Variants in CSMD1 observed in about 807,000 individuals in gnomAD.
The protein encoded by CSMD1 is CUB and Sushi multiple domains 1, also known as CUB and sushi domain-containing protein 1.
A neutral mutation model predicts 417.5 loss-of-function variants in CSMD1; 213 were observed. That is an observed-to-expected ratio of 0.51 (90% CI 0.46 to 0.57). CSMD1 has a LOEUF of 0.57. Ranked by LOEUF, CSMD1 falls within the 20% of genes least tolerant of loss-of-function variation. The pLI is 0.00. For missense variants in CSMD1, 6,923 were observed against 4,529.7 expected, an observed-to-expected ratio of 1.53 and a Z score of -15.17; for synonymous variants, 2,862 against 1,736.8, an observed-to-expected ratio of 1.65 and a Z score of -16.11.
At chr8:3,844,203 G>A (rs1421694157) in intron 5 of CSMD1, among the ~76,000 whole-genome samples, 1 of 152,164 alleles carries the variant, frequency 6.6e-6, no homozygotes, top group South Asian at 2.1e-4. Context: ...TTTAAGAAGG[G>A]TGTTGAAGAA....
rs546915032 is a variant in CSMD1 at position 3,597,578 on chromosome 8, C to T, written c.1098-11318G>A. 2.0e-5 allele frequency among the ~76,000 whole-genome samples: 3 copies of T among 152,162 alleles called. No homozygotes were observed. The East Asian group carries it at 5.8e-4, about 29-fold the overall frequency. On this transcript the variant is annotated intron_variant, in intron 8 of 69. Transcript: ENST00000635120. ...AGGCCAAGAATTGTCATTTCCATAT[C>T]ATACTTCTTACAACTCTGAACACAG...
intron 1 of CSMD1, among the ~76,000 whole-genome samples, chr8:4,890,472 T>G (rs1804040375): frequency 6.7e-6 from 1 of 148,644 alleles, no homozygotes; most frequent in African/African-American, 2.5e-5. Context: ...GACACCCTCT[T>G]CTGCTTCAGG....
At chr8:4,549,209 T>C (rs922919816) in intron 2 of CSMD1, among the ~76,000 whole-genome samples, 1 of 152,250 alleles carries the variant, frequency 6.6e-6, no homozygotes, top group Middle Eastern at 3.4e-3. Flanking sequence ...AATCACTCCA[T>C]TGGCAGCAAT....
Position 3,216,939 on chromosome 8 carries a change from C to A in CSMD1, c.4673-2248G>T, listed in dbSNP as rs534277428. Reference sequence around the variant, plus strand: ...CATGCAATACAATGACATCACTGCACCAGGCTTAGATGCAATCACTGCCCT... The same window carrying A: ...CATGCAATACAATGACATCACTGCAACAGGCTTAGATGCAATCACTGCCCT... On this transcript the variant is annotated intron_variant, in intron 29 of 69. Coordinates refer to ENST00000635120, the MANE Select transcript of CSMD1 (RefSeq NM_033225.6). 3.9e-5 allele frequency among the ~76,000 whole-genome samples: 6 copies of A among 152,252 alleles called. No homozygotes were observed. The South Asian group carries it at 1.2e-3, about 31-fold the overall frequency.
intron 3 of CSMD1, among the ~76,000 whole-genome samples, chr8:4,370,318 C>G (rs949976965): frequency 1.3e-5 from 2 of 152,112 alleles, no homozygotes; most frequent in African/African-American, 4.8e-5. Context: ...TGCTGTTAGC[C>G]TGATGGGGGT....
intron 7 of CSMD1, among the ~76,000 whole-genome samples, chr8:3,676,636 A>C (rs975446590): frequency 6.6e-6 from 1 of 152,168 alleles, no homozygotes; most frequent in African/African-American, 2.4e-5. Flanking sequence ...GTGTTGTGGG[A>C]CCACGCACAC....
intron 12 of CSMD1, among the ~76,000 whole-genome samples, chr8:3,410,004 C>T (rs1812584156): frequency 2.0e-5 from 3 of 152,146 alleles, no homozygotes; most frequent in Admixed American, 2.0e-4. Flanking sequence ...ATTCTTCATT[C>T]CCTACTGAGT....
chr8:4,761,909 ATCAATCTATCTATCT>A (rs1812125468), intron 1 of CSMD1, among the ~76,000 whole-genome samples: 1 of 70,728 alleles, frequency 1.4e-5, no homozygotes, highest in East Asian at 5.8e-4. Flanking sequence ...CTATCTATCT[ATCAATCTATCTATCT>A]ATCTATCTAT....
intron 42 of CSMD1, among the ~76,000 whole-genome samples, chr8:3,115,353 C>A (rs1449687417): frequency 6.6e-6 from 1 of 152,092 alleles, no homozygotes; most frequent in East Asian, 1.9e-4. Context: ...AGGTGCCTGC[C>A]ACCACGCCTG....
intron 5 of CSMD1, among the ~76,000 whole-genome samples, chr8:3,851,286 C>G (rs1401291868): frequency 6.6e-6 from 1 of 152,178 alleles, no homozygotes; most frequent in South Asian, 2.1e-4. Context: ...TCTTTAGGGA[C>G]TGGTCTTTTC....
chr8:3,420,478 C>A (rs188821431), intron 12 of CSMD1, among the ~76,000 whole-genome samples: 2 of 148,268 alleles, frequency 1.3e-5, no homozygotes, highest in East Asian at 2.2e-4. Flanking sequence ...CAGTTAATAA[C>A]GTTTCCATGT....
chr8:3,695,732 G>T (rs1306230167), intron 7 of CSMD1, among the ~76,000 whole-genome samples: 1 of 152,152 alleles, frequency 6.6e-6, no homozygotes, highest in Non-Finnish European at 1.5e-5. Flanking sequence ...CTGGAAGGAA[G>T]GATGACAGCT....
intron 10 of CSMD1, among the ~76,000 whole-genome samples, chr8:3,565,964 C>A (rs556357223): frequency 3.2e-4 from 48 of 152,316 alleles, no homozygotes; most frequent in Admixed American, 3.1e-3. Context: ...TATACGCATT[C>A]TCATGCCATT....
chr8:4,168,485 GA>G, intron 3 of CSMD1, among the ~76,000 whole-genome samples: 1 of 151,896 alleles, frequency 6.6e-6, no homozygotes, highest in East Asian at 1.9e-4. Context: ...GGTAAAAGTA[GA>G]AAAAAGGGCT....
intron 3 of CSMD1, among the ~76,000 whole-genome samples, chr8:4,402,884 A>G (rs1403640748): frequency 1.4e-5 from 2 of 138,680 alleles, no homozygotes; most frequent in South Asian, 2.2e-4. Context: ...CAGCGGCGCA[A>G]TCTGGGCTCA....
intron 1 of CSMD1, among the ~76,000 whole-genome samples, chr8:4,691,040 C>T (rs115986125): frequency 5.9e-5 from 9 of 152,188 alleles, no homozygotes; most frequent in Admixed American, 1.3e-4. Flanking sequence ...ATTATTTTTA[C>T]GCCGTGCTTT....
chr8:3,550,769 A>T (rs1798875592), intron 10 of CSMD1, among the ~76,000 whole-genome samples: 1 of 152,176 alleles, frequency 6.6e-6, no homozygotes, highest in Admixed American at 6.5e-5. Flanking sequence ...TGCACCACAT[A>T]TTCCCACATC....
rs375734195 is a variant in CSMD1 at position 3,327,184 on chromosome 8, A to G, written c.3631+16110T>C. ...TTGAAAGAGACTCTCTCTGTCACCCAGGCTGGAGTGTGCAGTGGCAGGATC... is the reference window on the plus strand; with the variant it reads ...TTGAAAGAGACTCTCTCTGTCACCCGGGCTGGAGTGTGCAGTGGCAGGATC... On this transcript the variant is annotated intron_variant, in intron 23 of 69. Coordinates refer to ENST00000635120, the MANE Select transcript of CSMD1 (RefSeq NM_033225.6). 1.6e-3 allele frequency among the ~76,000 whole-genome samples: 250 copies of G among 151,584 alleles called. 1 individual carries two copies. In the Middle Eastern group the frequency reaches 0.024, roughly 14 times the overall value.
intron 1 of CSMD1, among the ~76,000 whole-genome samples, chr8:4,874,003 G>A (rs958693104): frequency 6.6e-6 from 1 of 152,082 alleles, no homozygotes; most frequent in Admixed American, 6.6e-5. Context: ...ACCACTATAT[G>A]TGTTGTAATC....
Sources: allele counts gnomAD v4.1 joint callset (sites outside exome capture counted in the v4.1 genomes callset), GRCh38; gene constraint gnomAD v4.1.1; transcripts MANE v1.5; gene names NCBI Gene and HGNC (gene_info 2026-07-23, HGNC 2026-07-21).